Variants in NOL4 observed in about 807,000 individuals in gnomAD.
The protein encoded by NOL4 is cancer/testis antigen 125.
In NOL4, 17 loss-of-function variants were observed where a neutral mutation model predicts 75.9. The observed-to-expected ratio is 0.22, with a 90% confidence interval of 0.15 to 0.34. The LOEUF (loss-of-function observed/expected upper bound fraction) is 0.34. Ranked by LOEUF, NOL4 falls within the 10% of genes least tolerant of loss-of-function variation. NOL4 has a pLI of 1.00. For synonymous variants in NOL4, 292 were observed against 289.9 expected (o/e 1.01, Z -0.07); for missense variants, 614 against 793.5 (o/e 0.77, Z 2.72).
chr18:33,886,049 T>C (rs2064625956), intron 9 of NOL4, among the ~76,000 whole-genome samples: 1 of 152,134 alleles, frequency 6.6e-6, no homozygotes, highest in Admixed American at 6.6e-5. Context: ...ATAATTATCT[T>C]AAGTCATAAA....
chr18:33,911,592 A>T (rs1194427254), intron 9 of NOL4, among the ~76,000 whole-genome samples: 1 of 152,118 alleles, frequency 6.6e-6, no homozygotes, highest in Non-Finnish European at 1.5e-5. Context: ...ATTTACTTCA[A>T]GGATGAAATA....
chr18:34,142,993 C>A (rs2081245745), intron 1 of NOL4, among the ~76,000 whole-genome samples: 1 of 149,236 alleles, frequency 6.7e-6, no homozygotes, highest in Non-Finnish European at 1.5e-5. Context: ...CTCAATAAAG[C>A]TGTTAAAATA....
At chr18:34,213,888 G>C (rs2036689430) in intron 1 of NOL4, among the ~76,000 whole-genome samples, 1 of 152,128 alleles carries the variant, frequency 6.6e-6, no homozygotes, top group Non-Finnish European at 1.5e-5. Context: ...ATTCAAGCAT[G>C]AACCTAATGT....
At chr18:34,130,170 T>A in intron 1 of NOL4, 150 bp from the exon 2 acceptor site, 2 of 661,168 alleles carry the variant, frequency 3.0e-6, no homozygotes, top group South Asian at 9.2e-5. Flanking sequence ...AATATTTCAA[T>A]ATTTTATGCA....
At chr18:33,869,231 A>C (rs971298164) in intron 10 of NOL4, among the ~76,000 whole-genome samples, 1 of 151,986 alleles carries the variant, frequency 6.6e-6, no homozygotes, top group Non-Finnish European at 1.5e-5. Context: ...TTATAGGACA[A>C]AGTACACATG....
At chr18:33,859,189 AC>A (rs1242097002) in intron 10 of NOL4, among the ~76,000 whole-genome samples, 2 of 151,934 alleles carry the variant, frequency 1.3e-5, no homozygotes, top group African/African-American at 4.8e-5. Flanking sequence ...TGGTTCATTA[AC>A]TTTATATTTT....
At chr18:34,053,093 C>G (rs1475461704) in intron 5 of NOL4, among the ~76,000 whole-genome samples, 1 of 151,856 alleles carries the variant, frequency 6.6e-6, no homozygotes, top group Non-Finnish European at 1.5e-5. Context: ...TATGAACATA[C>G]ATTGCTAATA....
chr18:33,912,314 G>T (rs193050480), intron 9 of NOL4, among the ~76,000 whole-genome samples: 5 of 152,052 alleles, frequency 3.3e-5, no homozygotes, highest in African/African-American at 4.8e-5. Context: ...CAAATAAAAT[G>T]CAAGGATTCA....
At chr18:34,098,306 C>A (rs772787720) in intron 4 of NOL4, among the ~76,000 whole-genome samples, 3 of 152,090 alleles carry the variant, frequency 2.0e-5, no homozygotes, top group Non-Finnish European at 4.4e-5. Context: ...AGCTGCCATA[C>A]AATAAAGCTG....
chr18:33,943,643 T>C (rs2068646557), intron 8 of NOL4, among the ~76,000 whole-genome samples: 1 of 151,906 alleles, frequency 6.6e-6, no homozygotes, highest in Admixed American at 6.6e-5. Flanking sequence ...TTATGAATAT[T>C]TACACTCTAA....
At chr18:33,968,434 T>C (rs2070779723) in intron 6 of NOL4, among the ~76,000 whole-genome samples, 1 of 152,182 alleles carries the variant, frequency 6.6e-6, no homozygotes, top group African/African-American at 2.4e-5. Flanking sequence ...ATATACATCA[T>C]GGACTACTAC....
intron 2 of NOL4, among the ~76,000 whole-genome samples, chr18:34,110,226 A>G (rs1016597904): frequency 6.6e-6 from 1 of 151,418 alleles, no homozygotes; most frequent in Non-Finnish European, 1.5e-5. Flanking sequence ...AAAGCCAGAC[A>G]AGGACGCTAC....
chr18:34,199,145 G>GTTTTTTTTTTT (rs11323634), intron 1 of NOL4, among the ~76,000 whole-genome samples: 4 of 131,280 alleles, frequency 3.0e-5, no homozygotes, highest in Admixed American at 7.7e-5. Context: ...GGACAGAGAA[G>GTTTTTTTTTTT]TTTTTTTTTT....
chr18:34,153,332 T>C (rs893881030), intron 1 of NOL4, among the ~76,000 whole-genome samples: 1 of 151,948 alleles, frequency 6.6e-6, no homozygotes, highest in Admixed American at 6.6e-5. Context: ...TCTTCCAATG[T>C]ACATTGAGTT....
chr18:34,159,249 G>A (rs942756757), intron 1 of NOL4, among the ~76,000 whole-genome samples: 5 of 152,204 alleles, frequency 3.3e-5, no homozygotes, highest in Admixed American at 3.3e-4. Flanking sequence ...GCTCCGCGAG[G>A]GGGAGCAGTG....
chr18:34,124,849 G>C (rs2080310435), intron 2 of NOL4, among the ~76,000 whole-genome samples: 1 of 151,696 alleles, frequency 6.6e-6, no homozygotes, highest in South Asian at 2.1e-4. Flanking sequence ...GGAGGTTGCA[G>C]TGAGCTGAGA....
intron 5 of NOL4, among the ~76,000 whole-genome samples, chr18:34,072,033 C>A (rs1341161624): frequency 6.6e-6 from 1 of 152,092 alleles, no homozygotes; most frequent in Non-Finnish European, 1.5e-5. Flanking sequence ...GAGTTCGAGA[C>A]CAGCCTGACC....
intron 10 of NOL4, among the ~76,000 whole-genome samples, chr18:33,881,264 G>T (rs370385993): frequency 1.3e-5 from 2 of 149,778 alleles, no homozygotes; most frequent in Admixed American, 6.7e-5. Context: ...GGAGATTTTG[G>T]GCTGAGACAA....
At chr18:34,173,594 ATAAG>A (rs1385326823) in intron 1 of NOL4, among the ~76,000 whole-genome samples, 17 of 152,164 alleles carry the variant, frequency 1.1e-4, no homozygotes, top group East Asian at 1.9e-4. Flanking sequence ...ATGAAAATAA[ATAAG>A]TAAGGAAAAA....
Sources: allele counts gnomAD v4.1 joint callset (sites outside exome capture counted in the v4.1 genomes callset), GRCh38; gene constraint gnomAD v4.1.1; transcripts MANE v1.5; gene names NCBI Gene and HGNC (gene_info 2026-07-23, HGNC 2026-07-21).